LIMCH1: variants seen among roughly 807,000 people sequenced by gnomAD.
LIMCH1 encodes LIM and calponin homology domains 1, also known as LIM and calponin homology domains-containing protein 1.
In LIMCH1, 113 loss-of-function variants were observed where a neutral mutation model predicts 176.5. The ratio of observed to expected loss-of-function variants is 0.64; its 90% CI spans 0.55 to 0.75. The LOEUF (loss-of-function observed/expected upper bound fraction) is 0.75. LIMCH1 is among the 30% of genes least tolerant of loss of function. LIMCH1 has a pLI of 0.00. For synonymous variants in LIMCH1, 619 were observed against 645.9 expected (o/e 0.96, Z 0.63); for missense variants, 1,674 against 1,814.9 (o/e 0.92, Z 1.41).
chr4:41,416,606 C>T (rs372796924), intron 1 of LIMCH1, among the ~76,000 whole-genome samples: 3 of 148,342 alleles, frequency 2.0e-5, no homozygotes, highest in African/African-American at 7.6e-5. Flanking sequence ...TGCAGTGAGT[C>T]GAGATCATGC....
intron 2 of LIMCH1, among the ~76,000 whole-genome samples, chr4:41,500,148 G>T (rs1241564303): frequency 6.6e-6 from 1 of 152,186 alleles, no homozygotes; most frequent in Non-Finnish European, 1.5e-5. Context: ...CAAGATTTAT[G>T]CATTGTTAAT....
rs143446731 is a variant in LIMCH1, at chr4:41,620,351, C to T, written c.459-73C>T. 1,508 of 1,332,532 alleles carry T rather than the reference C, an allele frequency of 1.1e-3. 11 individuals are homozygous for T. The African/African-American group carries it at 0.019, about 17-fold the overall frequency. The allele number at this position is 1,332,532 out of a possible 1,614,324, so 82.5% of individuals were successfully genotyped here. The stretch of plus-strand genomic sequence containing the variant: ...AAAGTGAAAAGTAATATCAGAATAG[C>T]GGGGAGATGACATGGGGTCTGCTCC... On this transcript the variant is annotated intron_variant, in intron 6 of 31. Coordinates refer to ENST00000503057, the MANE Select transcript of LIMCH1 (RefSeq NM_001330672.2).
At chr4:41,496,911 A>G (rs1301348648) in intron 2 of LIMCH1, among the ~76,000 whole-genome samples, 1 of 152,210 alleles carries the variant, frequency 6.6e-6, no homozygotes, top group Non-Finnish European at 1.5e-5. Flanking sequence ...ACCACTCTCT[A>G]GAACTGGAGA....
At chr4:41,571,322 A>G (rs1411507513) in intron 1 of LIMCH1, among the ~76,000 whole-genome samples, 1 of 152,160 alleles carries the variant, frequency 6.6e-6, no homozygotes, top group Non-Finnish European at 1.5e-5. Context: ...GATGACTTTG[A>G]CAAGGAAGGA....
Position 41,585,778 on chromosome 4 carries a change from ATTG to A in LIMCH1, c.-240-13133_-240-13131del, listed in dbSNP as rs1174730088. ...CATTGTGTTTGATTTGCCTGTTATT[ATTG>A]TTGTTGTTTAACTTCCAACTCATCT... On this transcript the variant is annotated intron_variant, in intron 1 of 31. Coordinates refer to ENST00000503057, the MANE Select transcript of LIMCH1 (RefSeq NM_001330672.2). Among the ~76,000 whole-genome samples the A allele has an allele frequency of 2.0e-5, 3 of 152,270 alleles. No homozygotes were observed. In the East Asian group the frequency reaches 5.8e-4, roughly 29 times the overall value.
intron 2 of LIMCH1, among the ~76,000 whole-genome samples, chr4:41,601,599 T>C (rs1333246301): frequency 6.6e-6 from 1 of 152,120 alleles, no homozygotes; most frequent in Non-Finnish European, 1.5e-5. Context: ...ACAAGCAGGG[T>C]AGGATGTTGA....
At chr4:41,639,942 A>G (rs1276162452) in intron 14 of LIMCH1, among the ~76,000 whole-genome samples, 3 of 152,222 alleles carry the variant, frequency 2.0e-5, no homozygotes, top group Non-Finnish European at 4.4e-5. Flanking sequence ...TTTGAATAGA[A>G]TTTGCATGTA....
intron 14 of LIMCH1, among the ~76,000 whole-genome samples, chr4:41,643,339 A>T (rs567855807): frequency 6.6e-6 from 1 of 151,404 alleles, no homozygotes; most frequent in South Asian, 2.1e-4. Context: ...TCTTTGTGTT[A>T]GGCTGGTTTC....
At chr4:41,527,772 A>G (rs890519075) in intron 3 of LIMCH1, among the ~76,000 whole-genome samples, 15 of 148,862 alleles carry the variant, frequency 1.0e-4, no homozygotes, top group South Asian at 6.4e-4. Flanking sequence ...GCAGTGAGCC[A>G]AGATTGCGCC....
intron 2 of LIMCH1, among the ~76,000 whole-genome samples, chr4:41,515,402 T>A (rs2075455259): frequency 6.6e-6 from 1 of 152,196 alleles, no homozygotes; most frequent in Admixed American, 6.5e-5. Context: ...TGTTCTTTCA[T>A]TGCTTCTAAC....
At chr4:41,579,723 T>G (rs2085090351) in intron 1 of LIMCH1, among the ~76,000 whole-genome samples, 1 of 152,196 alleles carries the variant, frequency 6.6e-6, no homozygotes, top group South Asian at 2.1e-4. Flanking sequence ...CACTCAGTGT[T>G]TTAAGGAATT....
intron 14 of LIMCH1, among the ~76,000 whole-genome samples, chr4:41,642,874 T>C (rs981234787): frequency 6.6e-6 from 1 of 151,970 alleles, no homozygotes; most frequent in Non-Finnish European, 1.5e-5. Context: ...CCACCACACC[T>C]GGCCCAGCTT....
At chr4:41,625,181 T>C (rs1433604080) in intron 7 of LIMCH1, among the ~76,000 whole-genome samples, 1 of 152,202 alleles carries the variant, frequency 6.6e-6, no homozygotes, top group Non-Finnish European at 1.5e-5. Flanking sequence ...AATATTCTCT[T>C]CTGCAAAGTG....
chr4:41,693,124 C>T lies in LIMCH1; in HGVS notation c.4378+740C>T, dbSNP rs1028382740. On this transcript the variant is annotated intron_variant, in intron 31 of 31. Coordinates refer to ENST00000503057, the MANE Select transcript of LIMCH1 (RefSeq NM_001330672.2). Reference sequence around the variant, plus strand: ...AGTGGCTTGCCTCGGAATGTTTCCTCATTCTCCATCATGAGTACAGTCCTT... The same window carrying T: ...AGTGGCTTGCCTCGGAATGTTTCCTTATTCTCCATCATGAGTACAGTCCTT... The T allele has an allele frequency of 3.3e-5, 5 of 152,190 alleles. No individual in the cohort carries two copies. In the South Asian group the frequency reaches 6.2e-4, roughly 19 times the overall value. 9.4% of individuals were successfully genotyped at this position (152,190 alleles called of 1,614,324 possible). A position where few individuals can be genotyped will look rare whatever the true frequency, so the allele number is the denominator to read the frequency against.
chr4:41,360,973 C>A lies in LIMCH1; in HGVS notation c.96+37C>A. ...TGGCTGGCGGGCGGCCTTGCACTGGCGCCCTGAGCCACGGACCCGCGCACG... is the reference window on the plus strand; with the variant it reads ...TGGCTGGCGGGCGGCCTTGCACTGGAGCCCTGAGCCACGGACCCGCGCACG... On this transcript the variant is annotated intron_variant, in intron 1 of 26. Coordinates refer to the LIMCH1 transcript ENST00000313860. This position sits in a 1 kb window ranked among gnomAD's most constrained non-coding sequence, Gnocchi z 4.5. 1 of 1,475,646 alleles carries A rather than the reference C, an allele frequency of 6.8e-7. No homozygotes were observed. The highest frequency in any genetic ancestry group is 9.2e-7 in the Non-Finnish European group (1 of 1,090,086). The allele number at this position is 1,475,646 out of a possible 1,614,324, so 91.4% of individuals were successfully genotyped here.
chr4:41,443,148 C>T (rs980968978), intron 1 of LIMCH1, among the ~76,000 whole-genome samples: 2 of 150,654 alleles, frequency 1.3e-5, no homozygotes, highest in Non-Finnish European at 3.0e-5. Context: ...ATGTCTTATG[C>T]TCCAAGGTAA....
At chr4:41,565,346 TAC>T (rs34056313) in intron 1 of LIMCH1, among the ~76,000 whole-genome samples, 7,115 of 128,310 alleles carry the variant, frequency 0.055, 228 homozygotes, top group Admixed American at 0.1. Context: ...CTATTTCGGA[TAC>T]ACACACACAC....
chr4:41,649,429 C>T (rs1231215563), intron 17 of LIMCH1, among the ~76,000 whole-genome samples: 1 of 151,898 alleles, frequency 6.6e-6, no homozygotes, highest in Non-Finnish European at 1.5e-5. Context: ...AAATAAGAGG[C>T]CTAATGATAA....
At chr4:41,650,165 A>G (rs1486446323) in intron 17 of LIMCH1, among the ~76,000 whole-genome samples, 1 of 152,238 alleles carries the variant, frequency 6.6e-6, no homozygotes. Context: ...TGGAATCTAT[A>G]GTGAAGTGGC....
Sources: gnomAD v4.1 joint callset for allele counts (sites outside exome capture counted in the v4.1 genomes callset) on GRCh38, gnomAD v4.1.1 for gene constraint, Gnocchi (gnomAD v3.1) non-coding constraint, MANE v1.5 for transcripts, NCBI Gene and HGNC (gene_info 2026-07-23, HGNC 2026-07-21) for gene names.